FGF13: variants seen among roughly 807,000 people sequenced by gnomAD.
The protein encoded by FGF13 is fibroblast growth factor homologous factor 2.
FGF13 carries 2 observed loss-of-function variants against 19.5 expected under a neutral mutation model. The observed-to-expected ratio is 0.10, with a 90% CI of 0.04 to 0.32. The LOEUF (loss-of-function observed/expected upper bound fraction) is 0.32. Among genes scored for constraint, FGF13 ranks in the 10% least tolerant of loss-of-function variants. FGF13 has a pLI of 1.00. For missense variants in FGF13, 113 were observed against 192.7 expected (o/e 0.59, Z 2.45); for synonymous variants, 72 against 76.9 (o/e 0.94, Z 0.33).
intron 1 of FGF13, among the ~76,000 whole-genome samples, chrX:138,723,540 A>G (rs1406692149): frequency 9.0e-6 from 1 of 111,426 alleles, no homozygotes; most frequent in African/African-American, 3.3e-5. Context: ...ATCCACTGCC[A>G]TGACTAATCT....
chrX:138,942,675 C>T (rs139091093), intron 1 of FGF13, among the ~76,000 whole-genome samples: 105 of 111,830 alleles, frequency 9.4e-4, no homozygotes, highest in African/African-American at 3.4e-3. Flanking sequence ...CCTCTAACAA[C>T]AAATCTCTGG....
chrX:138,984,589 A>AGAAGAAGAAGAAGAAGAAGAAGAG (rs1569436186), intron 1 of FGF13, among the ~76,000 whole-genome samples: 2 of 17,029 alleles, frequency 1.2e-4, no homozygotes, highest in African/African-American at 4.0e-4. Flanking sequence ...AAGAAGAAGA[A>AGAAGAAGAAGAAGAAGAAGAAGAG]GGAGGAGGAG....
intron 1 of FGF13, among the ~76,000 whole-genome samples, chrX:139,084,795 G>T (rs1444600003): frequency 8.9e-6 from 1 of 112,047 alleles, no homozygotes; most frequent in Non-Finnish European, 1.9e-5. Flanking sequence ...GAATAAAACG[G>T]TCCAATGAAA....
intron 1 of FGF13, among the ~76,000 whole-genome samples, chrX:138,868,690 T>A (rs1053709741): frequency 9.0e-6 from 1 of 111,102 alleles, no homozygotes; most frequent in Non-Finnish European, 1.9e-5. Context: ...TACACTCCTG[T>A]CTTCCTAGAA....
At chrX:139,198,902 G>A (rs143091876) in intron 1 of FGF13, among the ~76,000 whole-genome samples, 1,480 of 111,977 alleles carry the variant, frequency 0.013, 27 homozygotes, top group African/African-American at 0.046. Context: ...ACACTCTTAG[G>A]AAATGTTTCA....
chrX:138,754,195 G>A (rs911993036), intron 3 of FGF13, among the ~76,000 whole-genome samples: 4 of 111,647 alleles, frequency 3.6e-5, no homozygotes, highest in African/African-American at 1.3e-4. Context: ...TGTTTTGCTC[G>A]AGACTGGAGA....
At chrX:139,038,438 C>T (rs180826233) in intron 1 of FGF13, among the ~76,000 whole-genome samples, 92 of 111,496 alleles carry the variant, frequency 8.3e-4, no homozygotes, top group Non-Finnish European at 1.2e-3. Flanking sequence ...CTTTTAAAAC[C>T]TTCCTACCTG....
chrX:138,957,727 C>T (rs2091848079), intron 1 of FGF13, among the ~76,000 whole-genome samples: 1 of 111,462 alleles, frequency 9.0e-6, no homozygotes, highest in Non-Finnish European at 1.9e-5. Flanking sequence ...TGAAGAGGTC[C>T]TTCACATCCC....
chrX:138,986,888 G>A (rs2091996604), intron 1 of FGF13, among the ~76,000 whole-genome samples: 1 of 112,135 alleles, frequency 8.9e-6, no homozygotes, highest in African/African-American at 3.2e-5. Flanking sequence ...AACAGAAATA[G>A]AACATTCTTA....
chrX:138,674,339 T>TA (rs1482879395), intron 3 of FGF13, among the ~76,000 whole-genome samples: 9 of 111,943 alleles, frequency 8.0e-5, no homozygotes, highest in African/African-American at 2.9e-4. Flanking sequence ...TGATGGTCAT[T>TA]AAGTTTAAGC....
At chrX:138,638,951 A>G (rs1317299452) in intron 3 of FGF13, among the ~76,000 whole-genome samples, 2 of 111,535 alleles carry the variant, frequency 1.8e-5, no homozygotes, top group African/African-American at 6.5e-5. Context: ...AGTCATCACC[A>G]CTAAATTTGG....
At chrX:138,984,591 G>GAAGAAGAAGAAGAAGAAGAAGAAGA (rs1390994166) in intron 1 of FGF13, among the ~76,000 whole-genome samples, 1 of 18,638 alleles carries the variant, frequency 5.4e-5, no homozygotes, top group Non-Finnish European at 1.2e-4. Context: ...GAAGAAGAAG[G>GAAGAAGAAGAAGAAGAAGAAGAAGA]AGGAGGAGGA....
chrX:139,079,989 C>CCATCAT (rs59209433), intron 1 of FGF13, among the ~76,000 whole-genome samples: 6 of 106,445 alleles, frequency 5.6e-5, no homozygotes, highest in South Asian at 4.3e-4. Flanking sequence ...GTCATCATCA[C>CCATCAT]CATCATCATC....
chrX:138,744,078 G>A (rs1311140800), upstream of FGF13, among the ~76,000 whole-genome samples: 1 of 107,317 alleles, frequency 9.3e-6, no homozygotes, highest in Non-Finnish European at 1.9e-5. Flanking sequence ...GTTCCAGGAA[G>A]GAGGGGAAAT....
At position 138,632,293 on chromosome X, in the gene FGF13, CAA is replaced by C. The variant is rs1479051196; in HGVS notation, c.*555_*556del. On this transcript the variant is annotated 3_prime_UTR_variant, in exon 5 of 5. Transcript: ENST00000315930. ...TTTGGTTGATTTGGATTAAGTGACG[CAA>C]AAAGTCAATAGAACCATTGAATTTC... The C allele has an allele frequency of 8.9e-6, 1 of 111,777 alleles. No individual in the cohort carries two copies. Among genetic ancestry groups the C allele is most frequent in the Non-Finnish European group, 1.9e-5 (1 of 53,078 alleles). The allele number at this position is 111,777 out of a possible 1,213,427, so 9.2% of individuals were successfully genotyped here.
chrX:138,846,243 G>T (rs752563588), intron 3 of FGF13, among the ~76,000 whole-genome samples: 1 of 101,453 alleles, frequency 9.9e-6, no homozygotes, highest in South Asian at 5.2e-4. Flanking sequence ...TCTTTGAATG[G>T]CAACTAGCGA....
rs748785543 is a variant in FGF13, at chrX:139,141,102, T to TACACACACACACACAC, written c.-113+62298_-113+62313dup. Among the ~76,000 whole-genome samples the TACACACACACACACAC allele has an allele frequency of 1.8e-3, 176 of 97,198 alleles. 1 individual carries two copies. Among genetic ancestry groups the TACACACACACACACAC allele is most frequent in the African/African-American group, 5.9e-3 (153 of 26,013 alleles). The allele number at this position is 97,198 out of a possible 115,157, so 84.4% of individuals were successfully genotyped here. ...ATAGATAGATAGATAGATAAGAGTG[T>TACACACACACACACAC]ACACACACACACACACACACACACA... is the stretch of plus-strand genomic sequence containing the variant. On this transcript the variant is annotated intron_variant, in intron 1 of 2. Transcript: ENST00000421460.
chrX:139,181,357 C>T (rs2084236201), intron 1 of FGF13, among the ~76,000 whole-genome samples: 1 of 112,533 alleles, frequency 8.9e-6, no homozygotes, highest in African/African-American at 3.2e-5. Flanking sequence ...ACACTGACCC[C>T]AACTAGCAAA....
chrX:138,986,913 C>T (rs780729526), intron 1 of FGF13, among the ~76,000 whole-genome samples: 15 of 112,166 alleles, frequency 1.3e-4, no homozygotes, highest in Non-Finnish European at 2.1e-4. Context: ...TCATCTATTA[C>T]CTCACCATCT....
Sources: allele counts gnomAD v4.1 joint callset (sites outside exome capture counted in the v4.1 genomes callset), GRCh38; gene constraint gnomAD v4.1.1; transcripts MANE v1.5; gene names NCBI Gene and HGNC (gene_info 2026-07-23, HGNC 2026-07-21).